WDR33: variants seen among roughly 807,000 people sequenced by gnomAD.
The protein encoded by WDR33 is pre-mRNA 3' end processing protein WDR33.
WDR33 carries 47 observed loss-of-function variants against 164.9 expected under a neutral mutation model. The ratio of observed to expected loss-of-function variants is 0.29; its 90% confidence interval spans 0.23 to 0.36. The LOEUF (loss-of-function observed/expected upper bound fraction) is 0.36, where lower values mean the gene tolerates loss of function less well. WDR33 is among the 10% of genes least tolerant of loss of function. The pLI, the probability that WDR33 is intolerant of heterozygous loss-of-function variation, is 1.00. For synonymous variants in WDR33, 505 were observed against 589.0 expected, an observed-to-expected ratio of 0.86 and a Z score of 2.06; for missense variants, 1,137 against 1,754.1, an observed-to-expected ratio of 0.65 and a Z score of 6.28.
At position 127,702,035 on chromosome 2, in the gene WDR33, G is replaced by A; in HGVS notation, c.*4288C>T. 4.0e-6 allele frequency: 5 copies of A among 1,239,976 alleles called. No homozygotes were observed. The highest frequency in any genetic ancestry group is 5.0e-6 in the Non-Finnish European group (5 of 993,666). The allele number at this position is 1,239,976 out of a possible 1,614,324, so 76.8% of individuals were successfully genotyped here. A position where few individuals can be genotyped will look rare whatever the true frequency, so the allele number is the denominator to read the frequency against. On this transcript the variant is annotated 3_prime_UTR_variant, in exon 22 of 22. Coordinates refer to ENST00000322313, the MANE Select transcript of WDR33 (RefSeq NM_018383.5). ...TGGGCCTTCGCAGCACGCTGCTCAC[G>A]GTGCTGGGCGCGGGCGCGCAGGTGG...
chr2:127,799,866 T>C (rs1215994394), intron 1 of WDR33, among the ~76,000 whole-genome samples: 1 of 152,210 alleles, frequency 6.6e-6, no homozygotes, highest in African/African-American at 2.4e-5. Context: ...CACTCCTGCC[T>C]GGGCAACAGA....
chr2:127,770,131 C>G lies in WDR33; in HGVS notation c.204+647G>C, dbSNP rs3771291. 6.6e-6 allele frequency among the ~76,000 whole-genome samples: 1 copy of G among 152,144 alleles called. No homozygotes were observed. The highest frequency in any genetic ancestry group is 2.4e-5 in the African/African-American group (1 of 41,416). On this transcript the variant is annotated intron_variant, in intron 2 of 21. Transcript: ENST00000322313. This position sits in a 1 kb window ranked among gnomAD's most constrained non-coding sequence, Gnocchi z 4.9. ...GTAGTCTTTTATGATTTCATATACACTGCAGGTTTAACAAGTGTTTTAAGA... is the reference window on the plus strand; with the variant it reads ...GTAGTCTTTTATGATTTCATATACAGTGCAGGTTTAACAAGTGTTTTAAGA...
chr2:127,771,611 C>T (rs1688004964), intron 1 of WDR33, among the ~76,000 whole-genome samples: 1 of 152,032 alleles, frequency 6.6e-6, no homozygotes, highest in South Asian at 2.1e-4. Context: ...ATTCCCATCT[C>T]TACAAAAAAT....
chr2:127,801,104 G>C (rs1225098954), intron 1 of WDR33, among the ~76,000 whole-genome samples: 2 of 137,344 alleles, frequency 1.5e-5, no homozygotes, highest in Non-Finnish European at 3.1e-5. Context: ...CTGTCTCTAG[G>C]AAAAAAAAAA....
In WDR33 at chr2:127,717,279, T is replaced by C; in HGVS notation, c.2761-16A>G. 1.3e-6 allele frequency: 2 copies of C among 1,550,500 alleles called. No individual in the cohort carries two copies. Among genetic ancestry groups the C allele is most frequent in the Non-Finnish European group, 1.7e-6 (2 of 1,150,572 alleles). ...TCTGTCCTTCCTGAAAATATGTTTT[T>C]AAAGTAAGGGTATGAAATCACAGGC... On this transcript the variant is annotated splice_polypyrimidine_tract_variant and intron_variant, in intron 16 of 21. Transcript: ENST00000322313. This position sits in a 1 kb window ranked among gnomAD's most constrained non-coding sequence, Gnocchi z 5.6.
Position 127,705,376 on chromosome 2 carries a change from G to A in WDR33, c.*947C>T, listed in dbSNP as rs997013115. 2 of 155,264 alleles carry A rather than the reference G, an allele frequency of 1.3e-5. No individual in the cohort carries two copies. The highest frequency in any genetic ancestry group is 1.9e-4 in the East Asian group (1 of 5,202). The allele number at this position is 155,264 out of a possible 1,614,324, so 9.6% of individuals were successfully genotyped here. The stretch of plus-strand genomic sequence containing the variant: ...CTGTGAGTTAGAAGTACGCCCTGCC[G>A]TAACACTGGTATTTCCACATAGTAT... On this transcript the variant is annotated 3_prime_UTR_variant, in exon 22 of 22. Coordinates refer to ENST00000322313, the MANE Select transcript of WDR33 (RefSeq NM_018383.5). This position sits in a 1 kb window ranked among gnomAD's most constrained non-coding sequence, Gnocchi z 4.5.
In WDR33 at chr2:127,704,939, C is replaced by CA. The variant is rs1685978987; in HGVS notation, c.*1383dup. 1 of 157,526 alleles carries CA rather than the reference C, an allele frequency of 6.3e-6. No individual in the cohort carries two copies. Among genetic ancestry groups the CA allele is most frequent in the Non-Finnish European group, 1.5e-5 (1 of 68,082 alleles). 9.8% of individuals were successfully genotyped at this position (157,526 alleles called of 1,614,324 possible). A position where few individuals can be genotyped will look rare whatever the true frequency, so the allele number is the denominator to read the frequency against. On this transcript the variant is annotated 3_prime_UTR_variant, in exon 22 of 22. Coordinates refer to ENST00000322313, the MANE Select transcript of WDR33 (RefSeq NM_018383.5). ...TCCATCTCTACAAAAAACACACACA[C>CA]AAAAAATTAGCTGGGCATGGTGGCA...
chr2:127,785,097 T>A (rs918642122), intron 1 of WDR33, among the ~76,000 whole-genome samples: 18 of 152,176 alleles, frequency 1.2e-4, no homozygotes, highest in Non-Finnish European at 2.2e-4. Context: ...TCAAAAAAAA[T>A]ATTTGTCGTG....
intron 1 of WDR33, among the ~76,000 whole-genome samples, chr2:127,773,679 T>A (rs908990443): frequency 2.6e-5 from 4 of 152,182 alleles, no homozygotes; most frequent in Admixed American, 6.5e-5. Flanking sequence ...ATTCCATGAA[T>A]CCAATTAAGT....
chr2:127,742,075 G>C (rs1687032743), intron 7 of WDR33, among the ~76,000 whole-genome samples: 3 of 152,054 alleles, frequency 2.0e-5, no homozygotes, highest in African/African-American at 7.2e-5. Flanking sequence ...GGTGGTGGGT[G>C]TCTGTAATCC....
intron 1 of WDR33, among the ~76,000 whole-genome samples, chr2:127,801,770 G>C (rs990503527): frequency 6.6e-6 from 1 of 152,102 alleles, no homozygotes; most frequent in Non-Finnish European, 1.5e-5. Context: ...TGTAGTGCCA[G>C]CTACTCGGGA....
rs1161029602 is a variant in WDR33, at chr2:127,713,711, T to A, written c.3180A>T (p.Glu1060Asp). ...PGPPFPPDHR[E>D]FSEGDGRGAA... ...CACCCCGGCCATCCCCCTCGCTGAA[T>A]TCCCTGTGATCAGGGGGAAACGGAG... The change falls in exon 18 of 22, where the codon GAA becomes GAT. Residue 1060 changes from glutamate to aspartate, a missense_variant. Physicochemically the swap from Glu to Asp is conservative, Grantham distance 45. Transcript: ENST00000322313. This position sits in a 1 kb window ranked among gnomAD's most constrained non-coding sequence, Gnocchi z 6.2. The A allele has an allele frequency of 3.7e-6, 6 of 1,614,054 alleles. No individual in the cohort carries two copies. Among genetic ancestry groups the A allele is most frequent in the Non-Finnish European group, 5.1e-6 (6 of 1,179,986 alleles).
Position 127,735,505 on chromosome 2 carries a change from T to G in WDR33, c.725-8728A>C. ...AAAAAATTCTTTTATACAAAACTTATAAAAAGCACCAAGATTTTCTAATAC... is the reference window on the plus strand; with the variant it reads ...AAAAAATTCTTTTATACAAAACTTAGAAAAAGCACCAAGATTTTCTAATAC... On this transcript the variant is annotated intron_variant, in intron 7 of 21. Transcript: ENST00000322313. The surrounding 1 kb of genome is among the most constrained non-coding windows in gnomAD (Gnocchi z 4.3). 1 of 985,474 alleles carries G rather than the reference T, an allele frequency of 1.0e-6. No individual in the cohort carries two copies. The highest frequency in any genetic ancestry group is 1.2e-6 in the Non-Finnish European group (1 of 829,600). 61.0% of individuals were successfully genotyped at this position (985,474 alleles called of 1,614,324 possible).
intron 7 of WDR33, among the ~76,000 whole-genome samples, chr2:127,753,183 T>G (rs980837079): frequency 3.3e-5 from 5 of 152,234 alleles, no homozygotes; most frequent in Admixed American, 6.5e-5. Flanking sequence ...TGCCTTGGCC[T>G]CCCAAAGTGC....
rs1229245963 is a variant in WDR33 at position 127,762,931 on chromosome 2, G to A, written c.724+131C>T. 1.3e-5 allele frequency: 18 copies of A among 1,438,946 alleles called. No individual in the cohort carries two copies. The East Asian group carries it at 4.1e-4, about 33-fold the overall frequency. The allele number at this position is 1,438,946 out of a possible 1,614,324, so 89.1% of individuals were successfully genotyped here. On this transcript the variant is annotated intron_variant, in intron 7 of 21. Transcript: ENST00000322313. The stretch of plus-strand genomic sequence containing the variant: ...AGAGAAAGTGCTGGGTTTTTTTGAA[G>A]AGCCTGAGACGGTGTGTATATGTAA...
At chr2:127,769,844 T>A (rs1687938172) in intron 2 of WDR33, among the ~76,000 whole-genome samples, 1 of 152,154 alleles carries the variant, frequency 6.6e-6, no homozygotes, top group Non-Finnish European at 1.5e-5. Flanking sequence ...CCAATGAACC[T>A]AATAGGTAAT....
intron 1 of WDR33, among the ~76,000 whole-genome samples, chr2:127,780,306 A>C (rs1688327576): frequency 6.6e-6 from 1 of 152,156 alleles, no homozygotes; most frequent in Non-Finnish European, 1.5e-5. Context: ...TCAAAACCTC[A>C]GCCTGGAAAC....
intron 7 of WDR33, 74 bp downstream of exon 7, chr2:127,762,988 G>C (rs1558942650): frequency 1.2e-6 from 2 of 1,606,476 alleles, no homozygotes; most frequent in Non-Finnish European, 1.7e-6. Context: ...AGCCAGTATT[G>C]TGGTTTTGTG....
intron 7 of WDR33, among the ~76,000 whole-genome samples, chr2:127,742,181 C>A (rs543311734): frequency 1.3e-5 from 2 of 151,064 alleles, no homozygotes; most frequent in African/African-American, 4.9e-5. Flanking sequence ...CCATTGCACT[C>A]CAGCCTGGGC....
Sources: allele counts gnomAD v4.1 joint callset (sites outside exome capture counted in the v4.1 genomes callset), GRCh38; gene constraint gnomAD v4.1.1; non-coding constraint Gnocchi (gnomAD v3.1); transcripts MANE v1.5; gene names NCBI Gene and HGNC (gene_info 2026-07-23, HGNC 2026-07-21).